The following ATXN1 variants were observed in gnomAD, a reference collection of about 807,000 sequenced individuals.
ATXN1 encodes the protein ataxin-1.
In ATXN1, 8 loss-of-function variants were observed where a neutral mutation model predicts 56.4. The observed-to-expected ratio is 0.14, with a 90% CI of 0.08 to 0.26. The LOEUF (loss-of-function observed/expected upper bound fraction) is 0.26. ATXN1 is among the 10% of genes least tolerant of loss of function. The pLI, the probability that ATXN1 is intolerant of heterozygous loss-of-function variation, is 1.00. For missense variants in ATXN1, 987 were observed against 1,106.5 expected (o/e 0.89, Z 1.53); for synonymous variants, 514 against 494.6 (o/e 1.04, Z -0.52).
At position 16,382,243 on chromosome 6, in the gene ATXN1, T is replaced by C. The variant is rs1319741579; in HGVS notation, c.-160-53773A>G. On this transcript the variant is annotated intron_variant, in intron 6 of 7. Coordinates refer to ENST00000436367, the MANE Select transcript of ATXN1 (RefSeq NM_001128164.2). The stretch of plus-strand genomic sequence containing the variant: ...TGAACCTGGGAGGCGGAGCTTGCAG[T>C]GAGCTGGGATCACACTACTGCACTC... 2.7e-5 allele frequency among the ~76,000 whole-genome samples: 4 copies of C among 150,348 alleles called. No homozygotes were observed. In the Admixed American group the frequency reaches 2.7e-4, roughly 10 times the overall value.
chr6:16,524,417 C>T (rs1390377192), intron 4 of ATXN1, among the ~76,000 whole-genome samples: 3 of 152,288 alleles, frequency 2.0e-5, no homozygotes, highest in Admixed American at 6.5e-5. Flanking sequence ...TCCACTCACA[C>T]GCATTGACCT....
intron 4 of ATXN1, among the ~76,000 whole-genome samples, chr6:16,569,771 G>C (rs1380430939): frequency 6.6e-6 from 1 of 152,162 alleles, no homozygotes; most frequent in Non-Finnish European, 1.5e-5. Flanking sequence ...ACCTGCAGTT[G>C]ACTATGTCCA....
At chr6:16,475,923 G>T (rs989318957) in intron 6 of ATXN1, among the ~76,000 whole-genome samples, 1 of 150,336 alleles carries the variant, frequency 6.7e-6, no homozygotes, top group Non-Finnish European at 1.5e-5. Flanking sequence ...AGACTGGAGT[G>T]CAGTGGCATG....
chr6:16,460,293 T>C (rs866776070), intron 6 of ATXN1, among the ~76,000 whole-genome samples: 3 of 151,786 alleles, frequency 2.0e-5, no homozygotes, highest in Non-Finnish European at 2.9e-5. Flanking sequence ...GCTCTTGGAG[T>C]CCTTACTCAG....
Position 16,693,451 on chromosome 6 carries a change from T to C in ATXN1, c.-614-35550A>G, listed in dbSNP as rs540366502. ...AAAAGTGCTATATATACCATGTACA[T>C]GTGAATTATCGTCATCAACTTTCAG... On this transcript the variant is annotated intron_variant, in intron 2 of 7. Coordinates refer to ENST00000436367, the MANE Select transcript of ATXN1 (RefSeq NM_001128164.2). Among the ~76,000 whole-genome samples, 3 of 152,288 alleles carry C rather than the reference T, an allele frequency of 2.0e-5. 1 individual carries two copies. The highest frequency in any genetic ancestry group is 4.1e-4 in the South Asian group (2 of 4,830).
intron 6 of ATXN1, among the ~76,000 whole-genome samples, chr6:16,360,694 C>G (rs1018879498): frequency 6.6e-6 from 1 of 152,140 alleles, no homozygotes; most frequent in African/African-American, 2.4e-5. Flanking sequence ...TTCCTCTAAT[C>G]GTAACATATT....
At position 16,328,320 on chromosome 6, in the gene ATXN1, T is replaced by TC. The variant is rs750495567; in HGVS notation, c.-11dup. 4 of 1,490,808 alleles carry TC rather than the reference T, an allele frequency of 2.7e-6. No individual in the cohort carries two copies. Among genetic ancestry groups the TC allele is most frequent in the Non-Finnish European group, 3.6e-6 (4 of 1,125,260 alleles). 92.3% of individuals were successfully genotyped at this position (1,490,808 alleles called of 1,614,324 possible). ...CTTGGTTGGATTTCATTTTTCGCCG[T>TC]CCCCCCTCCACGGTGACTGTTTCAC... is the stretch of plus-strand genomic sequence containing the variant. On this transcript the variant is annotated 5_prime_UTR_variant, in exon 7 of 8. Transcript: ENST00000436367. This position sits in a 1 kb window ranked among gnomAD's most constrained non-coding sequence, Gnocchi z 6.2.
At chr6:16,363,478 TA>T (rs780957178) in intron 6 of ATXN1, among the ~76,000 whole-genome samples, 37 of 152,212 alleles carry the variant, frequency 2.4e-4, no homozygotes, top group Middle Eastern at 3.4e-3. Flanking sequence ...TAAGAGTAAA[TA>T]AAGTGTGATG....
chr6:16,651,402 G>C (rs1365120785), intron 3 of ATXN1, among the ~76,000 whole-genome samples: 3 of 152,270 alleles, frequency 2.0e-5, no homozygotes, highest in Admixed American at 6.5e-5. Flanking sequence ...AAATTAGCCA[G>C]GTGTGGTGGT....
At chr6:16,445,883 A>G (rs1267598847) in intron 6 of ATXN1, among the ~76,000 whole-genome samples, 1 of 151,086 alleles carries the variant, frequency 6.6e-6, no homozygotes, top group African/African-American at 2.4e-5. Flanking sequence ...ATAGTATTCC[A>G]TGGTGTATAT....
At chr6:16,379,232 T>TTTCC (rs1762203602) in intron 6 of ATXN1, among the ~76,000 whole-genome samples, 2 of 152,152 alleles carry the variant, frequency 1.3e-5, no homozygotes, top group Non-Finnish European at 2.9e-5. Flanking sequence ...GGCATAAGAA[T>TTTCC]GATACAGCGG....
At chr6:16,448,711 A>G (rs1759683749) in intron 6 of ATXN1, among the ~76,000 whole-genome samples, 1 of 152,198 alleles carries the variant, frequency 6.6e-6, no homozygotes, top group Non-Finnish European at 1.5e-5. Context: ...CCTGTGCAAC[A>G]ATGCTCACAT....
At chr6:16,439,485 C>A (rs796589140) in intron 6 of ATXN1, among the ~76,000 whole-genome samples, 7 of 150,326 alleles carry the variant, frequency 4.7e-5, no homozygotes. Context: ...CAGCGTCCAG[C>A]GTCCTAACCA....
rs1166796169 is a variant in ATXN1 at position 16,478,061 on chromosome 6, G to A, written c.-161+7911C>T. Among the ~76,000 whole-genome samples the A allele has an allele frequency of 3.9e-5, 6 of 152,146 alleles. 1 individual carries two copies. The highest frequency in any genetic ancestry group is 2.6e-4 in the Admixed American group (4 of 15,272). ...TTGCTAGGACAACTGGCGTCACTGC[G>A]GAGGCACAGAAATAGATCACCAGTG... On this transcript the variant is annotated intron_variant, in intron 6 of 7. Transcript: ENST00000436367.
At chr6:16,436,330 G>C (rs1759388367) in intron 6 of ATXN1, among the ~76,000 whole-genome samples, 1 of 152,120 alleles carries the variant, frequency 6.6e-6, no homozygotes, top group Admixed American at 6.5e-5. Flanking sequence ...CCATCTGCCA[G>C]GCACTGTACT....
At chr6:16,526,938 T>C (rs1004679960) in intron 4 of ATXN1, among the ~76,000 whole-genome samples, 3 of 149,614 alleles carry the variant, frequency 2.0e-5, no homozygotes, top group Non-Finnish European at 4.4e-5. Context: ...AGTTACTTAA[T>C]GATACAGAGG....
At chr6:16,476,414 T>C (rs1369625055) in intron 6 of ATXN1, among the ~76,000 whole-genome samples, 1 of 152,222 alleles carries the variant, frequency 6.6e-6, no homozygotes, top group Non-Finnish European at 1.5e-5. Flanking sequence ...GCCATTCACA[T>C]TAGTTGTATT....
intron 3 of ATXN1, among the ~76,000 whole-genome samples, chr6:16,618,043 G>A (rs773218899): frequency 2.0e-5 from 3 of 149,962 alleles, no homozygotes; most frequent in Admixed American, 6.7e-5. Context: ...GCTTTTCTAG[G>A]TATAAAAGCA....
intron 2 of ATXN1, among the ~76,000 whole-genome samples, chr6:16,663,034 G>A (rs559086442): frequency 1.0e-3 from 146 of 145,422 alleles, no homozygotes; most frequent in African/African-American, 3.2e-3. Flanking sequence ...GTGCAATGGT[G>A]CAATGTCGGC....
Sources: allele counts gnomAD v4.1 joint callset (sites outside exome capture counted in the v4.1 genomes callset), GRCh38; gene constraint gnomAD v4.1.1; non-coding constraint Gnocchi (gnomAD v3.1); transcripts MANE v1.5; gene names NCBI Gene and HGNC (gene_info 2026-07-23, HGNC 2026-07-21).